ATP11A: variants seen among roughly 807,000 people sequenced by gnomAD.
ATP11A encodes phospholipid-transporting ATPase IH.
ATP11A carries 81 observed loss-of-function variants against 154.4 expected under a neutral mutation model. The ratio of observed to expected loss-of-function variants is 0.52; its 90% CI spans 0.44 to 0.63. The LOEUF is 0.63. ATP11A is among the 30% of genes least tolerant of loss of function. The pLI is 0.00. For synonymous variants in ATP11A, 623 were observed against 585.9 expected, an observed-to-expected ratio of 1.06 and a Z score of -0.91; for missense variants, 1,316 against 1,474.3, an observed-to-expected ratio of 0.89 and a Z score of 1.76.
intron 1 of ATP11A, among the ~76,000 whole-genome samples, chr13:112,761,852 T>G (rs9603942): frequency 0.036 from 5,411 of 152,176 alleles, 328 homozygotes; most frequent in African/African-American, 0.12. Context: ...TTTTAGAAAA[T>G]TCTTGAGACA....
intron 29 of ATP11A, chr13:112,880,608 G>A (rs1339320713): frequency 7.7e-7 from 1 of 1,299,328 alleles, no homozygotes; most frequent in Admixed American, 2.3e-5. Context: ...CCCTCCTGAA[G>A]GACCTCCTAC....
Position 112,875,940 on chromosome 13 carries a change from A to G in ATP11A, c.3326A>G (p.Gln1109Arg), listed in dbSNP as rs976469196. 11 of 1,608,336 alleles carry G rather than the reference A, an allele frequency of 6.8e-6. No individual in the cohort carries two copies. The highest frequency in any genetic ancestry group is 1.3e-5 in the African/African-American group (1 of 74,900). The change falls in exon 28 of 30, where the codon CAG becomes CGG. Residue 1109 changes from glutamine (Q) to arginine (R), a missense_variant and splice_region_variant. Around this residue, in one of 5 missense-constraint regions of ATP11A, gnomAD observed 294 missense variants for 290.2 expected, o/e 1.01. Coordinates refer to ENST00000375645, the MANE Select transcript of ATP11A (RefSeq NM_015205.3). This position sits in a 1 kb window ranked among gnomAD's most constrained non-coding sequence, Gnocchi z 4.1. ...TGGCCAACAGCAACAGAGAGAGTCC[A>G]GGTACGGAGTGTCCCCAGCCGGGGC... is the stretch of plus-strand genomic sequence containing the variant. ...QLWPTATERV[Q>R]TKSQCLSVEQ...
chr13:112,715,246 AAG>A (rs1334305199), intron 1 of ATP11A, among the ~76,000 whole-genome samples: 1 of 152,062 alleles, frequency 6.6e-6, no homozygotes, highest in Non-Finnish European at 1.5e-5. Flanking sequence ...TCGATTGCAG[AAG>A]ACTGTGTTGT....
At chr13:112,840,350 A>C (rs1031266090) in intron 16 of ATP11A, among the ~76,000 whole-genome samples, 3 of 61,012 alleles carry the variant, frequency 4.9e-5, no homozygotes, top group Non-Finnish European at 6.5e-5. Flanking sequence ...CAGCCTCCCC[A>C]CTCTCCCGTG....
At position 112,833,722 on chromosome 13, in the gene ATP11A, G is replaced by A. The variant is rs1330278422; in HGVS notation, c.1559+699G>A. Among the ~76,000 whole-genome samples the A allele has an allele frequency of 3.3e-5, 5 of 152,174 alleles. No homozygotes were observed. In the South Asian group the frequency reaches 1.0e-3, roughly 32 times the overall value. On this transcript the variant is annotated intron_variant, in intron 14 of 29. Transcript: ENST00000375645. Reference sequence around the variant, plus strand: ...GAGTAGCAGCACAGATACGTCAACAGTATCACCGGGGCCCTTCGTTCCATG... The same window carrying A: ...GAGTAGCAGCACAGATACGTCAACAATATCACCGGGGCCCTTCGTTCCATG...
intron 2 of ATP11A, among the ~76,000 whole-genome samples, chr13:112,790,068 C>T (rs1463283099): frequency 1.3e-5 from 2 of 150,530 alleles, no homozygotes; most frequent in Admixed American, 1.3e-4. Flanking sequence ...CACCCGGCAT[C>T]CTGACGTGTA....
rs1217893069 is a variant in ATP11A at position 112,882,935 on chromosome 13, C to T, written c.*1069C>T. On this transcript the variant is annotated 3_prime_UTR_variant, in exon 30 of 30. Transcript: ENST00000375645. The surrounding 1 kb of genome is among the most constrained non-coding windows in gnomAD (Gnocchi z 5.1). ...CACACAGGACACGGGTGGATCCCAA[C>T]AGGCAGCACCGCACCTCTGCCCGCC... 2 of 399,012 alleles carry T rather than the reference C, an allele frequency of 5.0e-6. No homozygotes were observed. The highest frequency in any genetic ancestry group is 7.1e-5 in the East Asian group (2 of 28,082). The allele number at this position is 399,012 out of a possible 1,614,324, so 24.7% of individuals were successfully genotyped here.
At chr13:112,724,648 G>A (rs891077544) in intron 1 of ATP11A, among the ~76,000 whole-genome samples, 3 of 152,236 alleles carry the variant, frequency 2.0e-5, no homozygotes, top group Middle Eastern at 3.4e-3. Context: ...CAGAGGTCAG[G>A]CTGGGGATGG....
At chr13:112,843,831 T>G (rs909419107) in intron 17 of ATP11A, among the ~76,000 whole-genome samples, 1 of 152,182 alleles carries the variant, frequency 6.6e-6, no homozygotes, top group Non-Finnish European at 1.5e-5. Context: ...ATCATCATCT[T>G]TACGTTGCTA....
At chr13:112,868,487 G>T (rs537754829) in intron 25 of ATP11A, among the ~76,000 whole-genome samples, 10 of 152,238 alleles carry the variant, frequency 6.6e-5, no homozygotes, top group Non-Finnish European at 1.3e-4. Flanking sequence ...CAGATCTGCT[G>T]AAGGAGTGAG....
chr13:112,862,424 C>A lies in ATP11A; in HGVS notation c.2856-16C>A, dbSNP rs776975839. The A allele has an allele frequency of 3.7e-5, 59 of 1,612,840 alleles. No homozygotes were observed. In the Admixed American group the frequency reaches 9.8e-4, roughly 27 times the overall value. On this transcript the variant is annotated splice_polypyrimidine_tract_variant and intron_variant, in intron 24 of 29. Coordinates refer to ENST00000375645, the MANE Select transcript of ATP11A (RefSeq NM_015205.3). Reference sequence around the variant, plus strand: ...GATTCTCGAGGACACACGCTGTGCACCTTTCTCCTCACCAGGGACGTCGCC... The same window carrying A: ...GATTCTCGAGGACACACGCTGTGCAACTTTCTCCTCACCAGGGACGTCGCC...
At chr13:112,794,410 T>C (rs2077943939) in intron 2 of ATP11A, among the ~76,000 whole-genome samples, 2 of 152,238 alleles carry the variant, frequency 1.3e-5, no homozygotes, top group African/African-American at 4.8e-5. Flanking sequence ...GTCACGACCC[T>C]TTAAATGAGT....
In ATP11A at chr13:112,882,130, G is replaced by A. The variant is rs2080901833; in HGVS notation, c.*264G>A. ...TCCTGGCCCCCAGCAGGCAAGGAGGGGGGTCACAGGCCTTGCCCTCGAGCA... is the reference window on the plus strand; with the variant it reads ...TCCTGGCCCCCAGCAGGCAAGGAGGAGGGTCACAGGCCTTGCCCTCGAGCA... On this transcript the variant is annotated 3_prime_UTR_variant, in exon 30 of 30. Coordinates refer to ENST00000375645, the MANE Select transcript of ATP11A (RefSeq NM_015205.3). The surrounding 1 kb of genome is among the most constrained non-coding windows in gnomAD (Gnocchi z 5.1). 2 of 1,329,672 alleles carry A rather than the reference G, an allele frequency of 1.5e-6. No homozygotes were observed. Among genetic ancestry groups the A allele is most frequent in the Admixed American group, 1.9e-5 (1 of 51,416 alleles). 82.4% of individuals were successfully genotyped at this position (1,329,672 alleles called of 1,614,324 possible). A position where few individuals can be genotyped will look rare whatever the true frequency, so the allele number is the denominator to read the frequency against.
At chr13:112,700,568 AC>A (rs1322608394) in intron 1 of ATP11A, among the ~76,000 whole-genome samples, 6 of 152,140 alleles carry the variant, frequency 3.9e-5, no homozygotes, top group Admixed American at 3.9e-4. Context: ...CCTGACTCTG[AC>A]CTTGTTCTCC....
At chr13:112,843,737 G>T (rs115125580) in intron 17 of ATP11A, among the ~76,000 whole-genome samples, 119 of 152,312 alleles carry the variant, frequency 7.8e-4, no homozygotes, top group African/African-American at 2.2e-3. Flanking sequence ...AATTCCTGCC[G>T]ATGGACAGGA....
chr13:112,873,849 C>T (rs1435004200), intron 27 of ATP11A, among the ~76,000 whole-genome samples, 173 bp downstream of exon 27: 3 of 152,088 alleles, frequency 2.0e-5, no homozygotes, highest in Non-Finnish European at 2.9e-5. Context: ...GGGGGCAAGA[C>T]ACCGGGGGGT....
intron 1 of ATP11A, among the ~76,000 whole-genome samples, chr13:112,772,563 C>T (rs11619366): frequency 1.3e-5 from 1 of 78,064 alleles, no homozygotes; most frequent in East Asian, 3.4e-4. Flanking sequence ...CAGTACCAGG[C>T]CCTCCCAAGT....
Position 112,707,608 on chromosome 13 carries a change from G to A in ATP11A, c.39+17153G>A, listed in dbSNP as rs1053159521. Among the ~76,000 whole-genome samples, 5 of 152,210 alleles carry A rather than the reference G, an allele frequency of 3.3e-5. 1 individual carries two copies. The highest frequency in any genetic ancestry group is 1.2e-4 in the African/African-American group (5 of 41,516). ...GCCATTCCACAGTCGACCGGCATTT[G>A]ACGCAAATTAAAAAGGTGAAAAAGC... On this transcript the variant is annotated intron_variant, in intron 1 of 29. Transcript: ENST00000375645.
chr13:112,767,692 A>C (rs576877738), intron 1 of ATP11A, among the ~76,000 whole-genome samples: 1 of 152,114 alleles, frequency 6.6e-6, no homozygotes, highest in Non-Finnish European at 1.5e-5. Flanking sequence ...CAGTCTCACA[A>C]TAAAAAGTTG....
Sources: gnomAD v4.1 joint callset for allele counts (sites outside exome capture counted in the v4.1 genomes callset) on GRCh38, gnomAD v4.1.1 for gene constraint, gnomAD v4.1.1 regional missense constraint, Gnocchi (gnomAD v3.1) non-coding constraint, MANE v1.5 for transcripts, NCBI Gene and HGNC (gene_info 2026-07-23, HGNC 2026-07-21) for gene names.